Variants in GRB10 observed in about 807,000 individuals in gnomAD.
The protein encoded by GRB10 is growth factor receptor-bound protein 10.
GRB10 carries 20 observed loss-of-function variants against 80.9 expected under a neutral mutation model. The ratio of observed to expected loss-of-function variants is 0.25; its 90% confidence interval spans 0.17 to 0.36. The LOEUF (loss-of-function observed/expected upper bound fraction) is 0.36, where lower values mean the gene tolerates loss of function less well. Ranked by LOEUF, GRB10 falls within the 10% of genes least tolerant of loss-of-function variation. GRB10 has a pLI of 1.00. For synonymous variants in GRB10, 291 were observed against 291.5 expected, an observed-to-expected ratio of 1.00 and a Z score of 0.02; for missense variants, 548 against 747.7, an observed-to-expected ratio of 0.73 and a Z score of 3.12.
chr7:50,660,543 G>A (rs1052867084), intron 7 of GRB10, among the ~76,000 whole-genome samples: 4 of 152,118 alleles, frequency 2.6e-5, no homozygotes, highest in Non-Finnish European at 4.4e-5. Context: ...ACACATCAGC[G>A]CTGGAGCTGG....
In GRB10 at chr7:50,642,922, A is replaced by T. The variant is rs1026113308; in HGVS notation, c.505-15944T>A. Among the ~76,000 whole-genome samples, 82 of 152,244 alleles carry T rather than the reference A, an allele frequency of 5.4e-4. 4 individuals carry two copies. The highest frequency in any genetic ancestry group is 1.9e-4 in the East Asian group (1 of 5,204). On this transcript the variant is annotated intron_variant, in intron 7 of 18. Coordinates refer to ENST00000401949, the MANE Select transcript of GRB10 (RefSeq NM_001350814.2). ...TGTAGAATGATAGACAAACTGGACA[A>T]CATCATCAGGACAGCACCAGTCAAT...
chr7:50,728,697 G>A (rs977703749), intron 4 of GRB10, among the ~76,000 whole-genome samples: 1 of 152,138 alleles, frequency 6.6e-6, no homozygotes, highest in Non-Finnish European at 1.5e-5. Flanking sequence ...TTGAGACCGG[G>A]TCTTGCTCTG....
At chr7:50,713,611 ACCTCCACCT>A (rs1231708125) in intron 4 of GRB10, among the ~76,000 whole-genome samples, 3 of 93,356 alleles carry the variant, frequency 3.2e-5, no homozygotes, top group African/African-American at 1.2e-4. Flanking sequence ...CTCCACCATC[ACCTCCACCT>A]CCTCCACCAT....
intron 10 of GRB10, among the ~76,000 whole-genome samples, chr7:50,616,682 G>A (rs1422087101): frequency 1.3e-5 from 2 of 152,188 alleles, no homozygotes; most frequent in African/African-American, 4.8e-5. Context: ...TGGGACTCTG[G>A]AGACTGACAG....
chr7:50,660,311 GCC>G (rs1226336386), intron 7 of GRB10, among the ~76,000 whole-genome samples: 1 of 152,192 alleles, frequency 6.6e-6, no homozygotes, highest in African/African-American at 2.4e-5. Context: ...GGGGGGTGCA[GCC>G]GTGGTGCTGC....
intron 5 of GRB10, among the ~76,000 whole-genome samples, chr7:50,678,633 G>C (rs961772461): frequency 6.6e-6 from 1 of 152,086 alleles, no homozygotes. Context: ...TTAAAGGTTT[G>C]ATTCAAAAGA....
intron 7 of GRB10, among the ~76,000 whole-genome samples, chr7:50,644,495 AC>A (rs373213626): frequency 3.3e-5 from 5 of 152,202 alleles, no homozygotes; most frequent in African/African-American, 1.2e-4. Context: ...TCATCAGTCT[AC>A]TTTTATGGTA....
chr7:50,625,959 A>C (rs2052799975), intron 8 of GRB10, among the ~76,000 whole-genome samples: 1 of 152,220 alleles, frequency 6.6e-6, no homozygotes, highest in South Asian at 2.1e-4. Context: ...AAAAATTTAG[A>C]ACTATGGGAA....
chr7:50,662,952 A>T (rs1171548630), intron 7 of GRB10, among the ~76,000 whole-genome samples: 1 of 152,208 alleles, frequency 6.6e-6, no homozygotes, highest in Non-Finnish European at 1.5e-5. Context: ...ATCTACTTCA[A>T]CCTTTACCAA....
chr7:50,623,787 T>A (rs2052340489), intron 8 of GRB10, among the ~76,000 whole-genome samples: 1 of 152,218 alleles, frequency 6.6e-6, no homozygotes, highest in Non-Finnish European at 1.5e-5. Flanking sequence ...GAATATCCCT[T>A]ATCCTAAATG....
intron 3 of GRB10, among the ~76,000 whole-genome samples, chr7:50,744,764 C>T (rs2072577020): frequency 6.6e-6 from 1 of 152,166 alleles, no homozygotes; most frequent in Non-Finnish European, 1.5e-5. Context: ...CATCACATGG[C>T]ATTTAAAGCG....
intron 17 of GRB10, among the ~76,000 whole-genome samples, chr7:50,603,281 A>G (rs1183625851): frequency 2.6e-5 from 4 of 152,134 alleles, no homozygotes; most frequent in Non-Finnish European, 4.4e-5. Context: ...CCCTATATCC[A>G]CACTGTGGCT....
Position 50,592,750 on chromosome 7 carries a change from A to T in GRB10, c.*202T>A, listed in dbSNP as rs1563083945. ...TCCCCAATTTGGCCGATGCAGAGGGAGGCGACCCTGCTGGGTTCACAGCAG... is the reference window on the plus strand; with the variant it reads ...TCCCCAATTTGGCCGATGCAGAGGGTGGCGACCCTGCTGGGTTCACAGCAG... On this transcript the variant is annotated 3_prime_UTR_variant, in exon 19 of 19. Transcript: ENST00000401949. 9.7e-6 allele frequency: 6 copies of T among 619,932 alleles called. No individual in the cohort carries two copies. Among genetic ancestry groups the T allele is most frequent in the Non-Finnish European group, 1.7e-5 (6 of 350,080 alleles). The allele number at this position is 619,932 out of a possible 1,614,324, so 38.4% of individuals were successfully genotyped here.
At chr7:50,668,524 T>G (rs1229966491) in intron 7 of GRB10, among the ~76,000 whole-genome samples, 1 of 152,136 alleles carries the variant, frequency 6.6e-6, no homozygotes, top group Non-Finnish European at 1.5e-5. Flanking sequence ...TACAGGGGCC[T>G]CCCTTCCCTC....
intron 17 of GRB10, among the ~76,000 whole-genome samples, chr7:50,599,942 G>A (rs544550009): frequency 1.4e-4 from 21 of 152,156 alleles, no homozygotes; most frequent in African/African-American, 3.4e-4. Flanking sequence ...TGCCACACCC[G>A]CCCCCAAGGT....
At chr7:50,758,014 T>C (rs939612446) in intron 2 of GRB10, among the ~76,000 whole-genome samples, 1 of 151,988 alleles carries the variant, frequency 6.6e-6, no homozygotes, top group African/African-American at 2.4e-5. Flanking sequence ...CTTCATCCAT[T>C]TTTGTCTATT....
Position 50,669,937 on chromosome 7 carries a change from C to T in GRB10, c.363-74G>A, listed in dbSNP as rs1310500704. ...ACCCAGCCTTACCACTGTGGTGATA[C>T]ACCCAGAAAGCAGGACACAGGGCTT... On this transcript the variant is annotated intron_variant, in intron 6 of 18. Coordinates refer to ENST00000401949, the MANE Select transcript of GRB10 (RefSeq NM_001350814.2). The T allele has an allele frequency of 2.0e-6, 3 of 1,521,612 alleles. No homozygotes were observed. In the African/African-American group the frequency reaches 4.1e-5, roughly 21 times the overall value. 94.3% of individuals were successfully genotyped at this position (1,521,612 alleles called of 1,614,324 possible).
At position 50,633,466 on chromosome 7, in the gene GRB10, A is replaced by G. The variant is rs565806541; in HGVS notation, c.505-6488T>C. ...AAAAATAAGTAGTGACCGCTTCTACAGATGAGAAGAAACCAACACAAGAAC... is the reference window on the plus strand; with the variant it reads ...AAAAATAAGTAGTGACCGCTTCTACGGATGAGAAGAAACCAACACAAGAAC... On this transcript the variant is annotated intron_variant, in intron 7 of 18. Transcript: ENST00000401949. 7.2e-5 allele frequency among the ~76,000 whole-genome samples: 11 copies of G among 152,362 alleles called. No individual in the cohort carries two copies. In the South Asian group the frequency reaches 1.9e-3, roughly 26 times the overall value.
chr7:50,616,276 T>C lies in GRB10; in HGVS notation c.918A>G (p.Ser306=). ...FLHVKELGKK[S]WKKLYVCLRR... ...GCAAACACACATACAGCTTTTTCCA[T>C]GATTTCTTTCCCAGCTCTTTCACAT... Residue 306 remains serine, a synonymous_variant, in exon 11 of 19, where the codon TCA becomes TCG. Transcript: ENST00000401949. 1 of 1,614,216 alleles carries C rather than the reference T, an allele frequency of 6.2e-7. No homozygotes were observed. The highest frequency in any genetic ancestry group is 8.5e-7 in the Non-Finnish European group (1 of 1,180,016).
Sources: allele counts gnomAD v4.1 joint callset (sites outside exome capture counted in the v4.1 genomes callset), GRCh38; gene constraint gnomAD v4.1.1; transcripts MANE v1.5; gene names NCBI Gene and HGNC (gene_info 2026-07-23, HGNC 2026-07-21).